Variants in NIPBL observed in about 807,000 individuals in gnomAD.
The protein encoded by NIPBL is nipped-B-like protein.
NIPBL carries 19 observed loss-of-function variants against 321.8 expected under a neutral mutation model. That is an observed-to-expected ratio of 0.06 (90% confidence interval 0.04 to 0.09). NIPBL has a LOEUF of 0.09. NIPBL is among the 10% of genes least tolerant of loss of function. The probability of loss-of-function intolerance (pLI) is 1.00; values close to 1 mark genes in which losing one functional copy is unlikely to be tolerated. For synonymous variants in NIPBL, 1,106 were observed against 1,114.1 expected, an observed-to-expected ratio of 0.99 and a Z score of 0.14; for missense variants, 2,210 against 3,327.0, an observed-to-expected ratio of 0.66 and a Z score of 8.26.
chr5:36,952,143 G>A (rs1487951961), intron 1 of NIPBL, among the ~76,000 whole-genome samples: 1 of 151,042 alleles, frequency 6.6e-6, no homozygotes, highest in Non-Finnish European at 1.5e-5. Flanking sequence ...AATGTTTGGG[G>A]TGAAGGAAAT....
rs573721583 is a variant in NIPBL at position 36,982,261 on chromosome 5, A to G, written c.1496-2415A>G. The stretch of plus-strand genomic sequence containing the variant: ...TAAATACCAAAATGATTCTTCATAG[A>G]GATGGCTTTCCATGATTATTAGGTG... On this transcript the variant is annotated intron_variant, in intron 9 of 46. Transcript: ENST00000282516. 47 of 968,204 alleles carry G rather than the reference A, an allele frequency of 4.9e-5. No individual in the cohort carries two copies. The South Asian group carries it at 2.0e-3, about 40-fold the overall frequency. 60.0% of individuals were successfully genotyped at this position (968,204 alleles called of 1,614,324 possible). A position where few individuals can be genotyped will look rare whatever the true frequency, so the allele number is the denominator to read the frequency against.
At chr5:37,050,402 C>G (rs1031641155) in intron 40 of NIPBL, among the ~76,000 whole-genome samples, 13 of 151,480 alleles carry the variant, frequency 8.6e-5, no homozygotes, top group African/African-American at 3.2e-4. Flanking sequence ...AAGCAGAGAA[C>G]CCAGGAAGCA....
Position 36,975,927 on chromosome 5 carries a change from G to C in NIPBL, c.1020G>C (p.Glu340Asp). 1 of 1,613,682 alleles carries C rather than the reference G, an allele frequency of 6.2e-7. No homozygotes were observed. The highest frequency in any genetic ancestry group is 8.5e-7 in the Non-Finnish European group (1 of 1,179,732). Residue 340 changes from glutamate (E) to aspartate (D), a missense_variant, in exon 9 of 47, where the codon GAG becomes GAC. Around this residue, in one of 14 missense-constraint regions of NIPBL, gnomAD observed 464 missense variants for 529.5 expected, o/e 0.88. Coordinates refer to ENST00000282516, the MANE Select transcript of NIPBL (RefSeq NM_133433.4). ...GCAAGGATGAAAAAGAGCAGAGTGA[G>C]AAAGCGGCAATGTATGATATAATTA... ...KLGKDEKEQSEKAAMYDIISS... is the reference protein window; with the variant it reads ...KLGKDEKEQSDKAAMYDIISS...
At chr5:36,954,562 G>A (rs969873695) in intron 2 of NIPBL, among the ~76,000 whole-genome samples, 7 of 152,156 alleles carry the variant, frequency 4.6e-5, no homozygotes, top group Non-Finnish European at 8.8e-5. Context: ...TGTAGGTAAG[G>A]CATAAATAGG....
chr5:37,037,395 AT>A (rs1438318237), intron 33 of NIPBL, among the ~76,000 whole-genome samples: 7 of 141,020 alleles, frequency 5.0e-5, no homozygotes, highest in Non-Finnish European at 9.5e-5. Flanking sequence ...CTCAAAAAAT[AT>A]ATATATATAT....
At chr5:36,922,866 A>G (rs1427300925) in intron 1 of NIPBL, among the ~76,000 whole-genome samples, 3 of 152,190 alleles carry the variant, frequency 2.0e-5, no homozygotes, top group African/African-American at 4.8e-5. Flanking sequence ...GGAATGTTAA[A>G]GGGTAACTGA....
At chr5:36,958,438 A>G (rs1208992324) in intron 4 of NIPBL, among the ~76,000 whole-genome samples, 1 of 152,208 alleles carries the variant, frequency 6.6e-6, no homozygotes, top group East Asian at 1.9e-4. Flanking sequence ...CTTTAAGTGT[A>G]TTTTGTTAAA....
chr5:36,926,133 A>G (rs2149565449), intron 1 of NIPBL, among the ~76,000 whole-genome samples: 1 of 152,310 alleles, frequency 6.6e-6, no homozygotes, highest in South Asian at 2.1e-4. Context: ...CCACTTTTGA[A>G]CACTGTAAAT....
intron 37 of NIPBL, 42 bp downstream of exon 37, chr5:37,045,639 A>C (rs1324368366): frequency 6.3e-7 from 1 of 1,581,898 alleles, no homozygotes; most frequent in Non-Finnish European, 8.7e-7. Context: ...ACATAGAGCT[A>C]TATGGCACTG....
chr5:37,006,655 A>C (rs549310427), intron 17 of NIPBL, 67 bp downstream of exon 17: 1 of 929,324 alleles, frequency 1.1e-6, no homozygotes, highest in African/African-American at 1.7e-5. Flanking sequence ...AATAGGACTT[A>C]AAATGGCACC....
At chr5:37,061,086 G>C in intron 45 of NIPBL, 68 bp downstream of exon 45, 1 of 1,148,748 alleles carries the variant, frequency 8.7e-7, no homozygotes, top group Non-Finnish European at 1.3e-6. Flanking sequence ...GTGGGGGGCC[G>C]GTGGGGAGAT....
chr5:36,925,700 C>T (rs1749307913), intron 1 of NIPBL, among the ~76,000 whole-genome samples: 1 of 152,086 alleles, frequency 6.6e-6, no homozygotes, highest in Non-Finnish European at 1.5e-5. Flanking sequence ...AATTAAAAAC[C>T]TGTTTTTGCC....
intron 21 of NIPBL, among the ~76,000 whole-genome samples, chr5:37,013,316 C>CCCGGACGGGGCGGCTGG (rs1377030907): frequency 6.6e-6 from 1 of 150,758 alleles, no homozygotes; most frequent in Non-Finnish European, 1.5e-5. Context: ...CCACCTCCCT[C>CCCGGACGGGGCGGCTGG]CCGGACGGGG....
intron 10 of NIPBL, among the ~76,000 whole-genome samples, chr5:36,991,135 T>C (rs1180823541): frequency 6.6e-6 from 1 of 152,070 alleles, no homozygotes; most frequent in East Asian, 1.9e-4. Flanking sequence ...AATATTAGCG[T>C]TTTCTGGCTG....
At chr5:37,021,926 T>C in intron 27 of NIPBL, 125 bp from the exon 28 acceptor site, 1 of 751,014 alleles carries the variant, frequency 1.3e-6, no homozygotes, top group Non-Finnish European at 2.3e-6. Flanking sequence ...GATCCTTTAC[T>C]CATTTATATA....
chr5:36,908,025 G>A (rs1747771043), intron 1 of NIPBL, among the ~76,000 whole-genome samples: 1 of 152,116 alleles, frequency 6.6e-6, no homozygotes, highest in Non-Finnish European at 1.5e-5. Flanking sequence ...TGCTGACAAG[G>A]CACAGCAAAA....
At chr5:36,884,764 A>G (rs1745761349) in intron 1 of NIPBL, among the ~76,000 whole-genome samples, 1 of 152,182 alleles carries the variant, frequency 6.6e-6, no homozygotes. Flanking sequence ...AGTGAATGGC[A>G]AGTACATTTC....
intron 1 of NIPBL, among the ~76,000 whole-genome samples, chr5:36,934,312 T>A (rs958142625): frequency 3.3e-5 from 5 of 152,074 alleles, no homozygotes; most frequent in Non-Finnish European, 4.4e-5. Context: ...GCCAGTGAAA[T>A]GATTTGATAG....
At chr5:37,013,897 C>T (rs1438701216) in intron 21 of NIPBL, among the ~76,000 whole-genome samples, 4 of 152,236 alleles carry the variant, frequency 2.6e-5, no homozygotes, top group Non-Finnish European at 5.9e-5. Flanking sequence ...GATCACGCCA[C>T]TGCACTCCAG....
Sources: gnomAD v4.1 joint callset for allele counts (sites outside exome capture counted in the v4.1 genomes callset) on GRCh38, gnomAD v4.1.1 for gene constraint, gnomAD v4.1.1 regional missense constraint, MANE v1.5 for transcripts, NCBI Gene and HGNC (gene_info 2026-07-23, HGNC 2026-07-21) for gene names.